NTM: variants seen among roughly 807,000 people sequenced by gnomAD.
NTM encodes IgLON family member 2.
In NTM, 13 loss-of-function variants were observed where a neutral mutation model predicts 42.1. That is an observed-to-expected ratio of 0.31 (90% CI 0.20 to 0.49). The LOEUF (loss-of-function observed/expected upper bound fraction) is 0.49. Ranked by LOEUF, NTM falls within the 20% of genes least tolerant of loss-of-function variation. NTM has a pLI of 0.99. For missense variants in NTM, 373 were observed against 452.8 expected (o/e 0.82, Z 1.60); for synonymous variants, 187 against 179.2 (o/e 1.04, Z -0.35).
At chr11:131,512,955 G>T (rs528726074) in intron 1 of NTM, among the ~76,000 whole-genome samples, 1 of 151,400 alleles carries the variant, frequency 6.6e-6, no homozygotes, top group Non-Finnish European at 1.5e-5. Flanking sequence ...TCAGTCCTAC[G>T]CTTGGCACCA....
Position 131,371,416 on chromosome 11 carries a change from A to G in NTM, c.82+528A>G, listed in dbSNP as rs1941156787. 2.0e-5 allele frequency among the ~76,000 whole-genome samples: 3 copies of G among 152,146 alleles called. No homozygotes were observed. The South Asian group carries it at 6.2e-4, about 31-fold the overall frequency. On this transcript the variant is annotated intron_variant, in intron 1 of 8. Coordinates refer to ENST00000683400, the MANE Select transcript of NTM (RefSeq NM_001352005.2). The stretch of plus-strand genomic sequence containing the variant: ...CGATCCAGCTGCAAGGGATGAGTCA[A>G]TTTGCAGCAGTGGGGGACAACTGTA...
intron 4 of NTM, among the ~76,000 whole-genome samples, chr11:132,302,004 A>C (rs1335939932): frequency 6.6e-6 from 1 of 152,200 alleles, no homozygotes; most frequent in Non-Finnish European, 1.5e-5. Context: ...TTAATGCCCA[A>C]TCTATGAAGT....
At chr11:131,372,097 G>T (rs1941293176) in intron 1 of NTM, among the ~76,000 whole-genome samples, 1 of 152,186 alleles carries the variant, frequency 6.6e-6, no homozygotes, top group East Asian at 1.9e-4. Context: ...AGGATTTAGG[G>T]ATTGCTGCTG....
chr11:132,023,888 G>A (rs942534600), intron 2 of NTM, among the ~76,000 whole-genome samples: 3 of 151,706 alleles, frequency 2.0e-5, no homozygotes, highest in African/African-American at 7.3e-5. Context: ...GCGCGATCTC[G>A]GCTCACTGCA....
At chr11:132,101,275 A>G (rs1245706910) in intron 2 of NTM, among the ~76,000 whole-genome samples, 1 of 152,122 alleles carries the variant, frequency 6.6e-6, no homozygotes, top group Non-Finnish European at 1.5e-5. Context: ...AAAACTCAGG[A>G]TGAAGAGAGA....
chr11:131,665,274 T>G (rs904669302), intron 1 of NTM, among the ~76,000 whole-genome samples: 1 of 152,182 alleles, frequency 6.6e-6, no homozygotes, highest in South Asian at 2.1e-4. Context: ...ACAAATATTT[T>G]GGGTAAACAG....
chr11:132,255,588 A>T (rs1044187197), intron 4 of NTM, among the ~76,000 whole-genome samples: 1 of 152,220 alleles, frequency 6.6e-6, no homozygotes, highest in Non-Finnish European at 1.5e-5. Flanking sequence ...CCAGTCAGAG[A>T]AGGGGGTGCG....
chr11:132,106,585 C>G (rs2062403264), intron 2 of NTM, among the ~76,000 whole-genome samples: 1 of 152,252 alleles, frequency 6.6e-6, no homozygotes, highest in East Asian at 1.9e-4. Context: ...GGTCACTGCT[C>G]TGGCCACTTG....
At chr11:131,778,590 C>T (rs2087485045) in intron 1 of NTM, among the ~76,000 whole-genome samples, 1 of 152,298 alleles carries the variant, frequency 6.6e-6, no homozygotes, top group African/African-American at 2.4e-5. Context: ...TCCTCAGATT[C>T]TATTTTCATT....
chr11:131,483,567 G>A (rs902428202), intron 1 of NTM, among the ~76,000 whole-genome samples: 1 of 152,218 alleles, frequency 6.6e-6, no homozygotes, highest in East Asian at 1.9e-4. Flanking sequence ...AAGGAGAGGC[G>A]GGAATTCAAT....
At chr11:131,912,364 G>A (rs623364) in intron 2 of NTM, among the ~76,000 whole-genome samples, 9,631 of 152,314 alleles carry the variant, frequency 0.063, 405 homozygotes, top group East Asian at 0.16. Flanking sequence ...AGGTTTCAGT[G>A]TTGGGTTGGG....
At chr11:132,188,280 C>A (rs61906017) in intron 3 of NTM, among the ~76,000 whole-genome samples, 9 of 152,126 alleles carry the variant, frequency 5.9e-5, no homozygotes, top group African/African-American at 2.2e-4. Flanking sequence ...CCGGACTAAC[C>A]CAAACGCCTC....
chr11:131,586,851 T>C (rs972221028), intron 1 of NTM, among the ~76,000 whole-genome samples: 1 of 152,172 alleles, frequency 6.6e-6, no homozygotes, highest in African/African-American at 2.4e-5. Context: ...TTTCAACTCT[T>C]TGGAAAGAAC....
At chr11:131,773,194 T>A (rs756941750) in intron 1 of NTM, among the ~76,000 whole-genome samples, 1 of 152,176 alleles carries the variant, frequency 6.6e-6, no homozygotes. Flanking sequence ...TGGTGCCTTG[T>A]TGCTGTGTCC....
At chr11:132,189,919 A>G (rs1434396395) in intron 3 of NTM, among the ~76,000 whole-genome samples, 1 of 152,252 alleles carries the variant, frequency 6.6e-6, no homozygotes, top group East Asian at 1.9e-4. Flanking sequence ...CAAAAGAGAT[A>G]AAAACATTAT....
At chr11:131,432,240 G>T (rs923892394) in intron 1 of NTM, among the ~76,000 whole-genome samples, 2 of 152,070 alleles carry the variant, frequency 1.3e-5, no homozygotes, top group Non-Finnish European at 2.9e-5. Flanking sequence ...AAGCTCATTT[G>T]TTCTTTATTC....
At chr11:131,926,115 A>G (rs2057917738) in intron 2 of NTM, among the ~76,000 whole-genome samples, 1 of 152,020 alleles carries the variant, frequency 6.6e-6, no homozygotes, top group African/African-American at 2.4e-5. Flanking sequence ...TGGATTAGAA[A>G]AAAAAGGCAT....
chr11:131,573,201 T>C (rs318954), intron 1 of NTM, among the ~76,000 whole-genome samples: 82,075 of 151,948 alleles, frequency 0.54, 22,432 homozygotes, highest in South Asian at 0.69. Flanking sequence ...CTTCTATCAT[T>C]CCTAGGAGGA....
At chr11:132,068,233 C>CT (rs548414916) in intron 2 of NTM, among the ~76,000 whole-genome samples, 2 of 152,086 alleles carry the variant, frequency 1.3e-5, no homozygotes, top group African/African-American at 4.8e-5. Flanking sequence ...AATCAAGGGT[C>CT]TTTTTTTGCG....
Sources: gnomAD v4.1 joint callset for allele counts (sites outside exome capture counted in the v4.1 genomes callset) on GRCh38, gnomAD v4.1.1 for gene constraint, MANE v1.5 for transcripts, NCBI Gene and HGNC (gene_info 2026-07-23, HGNC 2026-07-21) for gene names.